SLC24A2: variants seen among roughly 807,000 people sequenced by gnomAD.
SLC24A2 encodes solute carrier family 24 member 2.
Under a neutral mutation model 62.0 loss-of-function variants are expected in SLC24A2, and 36 were observed. The ratio of observed to expected loss-of-function variants is 0.58; its 90% CI spans 0.44 to 0.77. The LOEUF is 0.77. SLC24A2 is among the 30% of genes least tolerant of loss of function. The probability of loss-of-function intolerance (pLI) is 0.00; values close to 1 mark genes in which losing one functional copy is unlikely to be tolerated. For missense variants in SLC24A2, 846 were observed against 817.9 expected (o/e 1.03, Z -0.42); for synonymous variants, 358 against 294.0 (o/e 1.22, Z -2.23).
At chr9:20,268,856 G>A in the SLC24A2 span, among the ~76,000 whole-genome samples, 1 of 152,152 alleles carries the variant, frequency 6.6e-6, no homozygotes, top group Admixed American at 6.5e-5. Context: ...AATGGTATGT[G>A]TGTGGAGGAA....
the SLC24A2 span, among the ~76,000 whole-genome samples, chr9:20,040,207 TTTG>T: frequency 6.6e-6 from 1 of 152,180 alleles, no homozygotes; most frequent in African/African-American, 2.4e-5. Context: ...GGAACGATTT[TTTG>T]TTGTTGTTAG....
chr9:19,993,510 TAAACTAG>T, the SLC24A2 span, among the ~76,000 whole-genome samples: 4 of 152,186 alleles, frequency 2.6e-5, no homozygotes, highest in African/African-American at 9.6e-5. Flanking sequence ...GCTTACACCA[TAAACTAG>T]AAAGTTATTC....
chr9:19,969,026 C>T, the SLC24A2 span, among the ~76,000 whole-genome samples: 4 of 151,988 alleles, frequency 2.6e-5, no homozygotes, highest in African/African-American at 7.3e-5. Context: ...TTCTTCAATC[C>T]CATTTTCTTT....
chr9:19,621,943 C>T (rs188373403), intron 3 of SLC24A2, among the ~76,000 whole-genome samples: 6 of 152,216 alleles, frequency 3.9e-5, no homozygotes, highest in Admixed American at 3.9e-4. Context: ...CACACTACCC[C>T]CAAATATTAG....
chr9:20,038,500 C>A, the SLC24A2 span, among the ~76,000 whole-genome samples: 3 of 152,082 alleles, frequency 2.0e-5, no homozygotes, highest in South Asian at 6.2e-4. Flanking sequence ...CTGCAGGTGA[C>A]CCTACGAATA....
intron 2 of SLC24A2, among the ~76,000 whole-genome samples, chr9:19,714,569 C>A (rs1352252373): frequency 6.6e-6 from 1 of 152,164 alleles, no homozygotes; most frequent in Non-Finnish European, 1.5e-5. Context: ...CATCACTTAC[C>A]TTTTCCCTTC....
chr9:20,021,907 C>T, the SLC24A2 span, among the ~76,000 whole-genome samples: 6 of 152,146 alleles, frequency 3.9e-5, no homozygotes, highest in Non-Finnish European at 5.9e-5. Flanking sequence ...GCTGACTCTG[C>T]CTCTGTTGGT....
At chr9:19,806,015 T>C in the SLC24A2 span, among the ~76,000 whole-genome samples, 1 of 152,136 alleles carries the variant, frequency 6.6e-6, no homozygotes, top group Non-Finnish European at 1.5e-5. Flanking sequence ...TTGTATTACC[T>C]CATTTTACTT....
At chr9:20,161,668 C>A in the SLC24A2 span, among the ~76,000 whole-genome samples, 3 of 150,788 alleles carry the variant, frequency 2.0e-5, no homozygotes, top group Non-Finnish European at 3.0e-5. Context: ...ACACCCATTC[C>A]TAAAAAAATC....
the SLC24A2 span, among the ~76,000 whole-genome samples, chr9:20,034,299 T>C: frequency 6.6e-6 from 1 of 152,168 alleles, no homozygotes; most frequent in Admixed American, 6.5e-5. Flanking sequence ...ATGCAAATTG[T>C]CTTTGTAGAA....
At chr9:19,825,036 G>A in the SLC24A2 span, among the ~76,000 whole-genome samples, 1 of 152,118 alleles carries the variant, frequency 6.6e-6, no homozygotes, top group African/African-American at 2.4e-5. Context: ...GGGACAAAGG[G>A]AAGTGAAGCA....
At chr9:20,195,230 A>G in the SLC24A2 span, among the ~76,000 whole-genome samples, 1 of 152,164 alleles carries the variant, frequency 6.6e-6, no homozygotes, top group South Asian at 2.1e-4. Flanking sequence ...CAATGCTTCA[A>G]TGTATATGAC....
chr9:20,143,282 A>G, the SLC24A2 span, among the ~76,000 whole-genome samples: 1 of 152,210 alleles, frequency 6.6e-6, no homozygotes, highest in Non-Finnish European at 1.5e-5. Flanking sequence ...TATAGCTACC[A>G]GCTGCCAACT....
At chr9:19,916,453 C>G in the SLC24A2 span, among the ~76,000 whole-genome samples, 1 of 151,990 alleles carries the variant, frequency 6.6e-6, no homozygotes, top group South Asian at 2.1e-4. Context: ...AAAAATTTAC[C>G]TAAGAATTTA....
chr9:19,722,290 C>G (rs1821049072), intron 2 of SLC24A2, among the ~76,000 whole-genome samples: 1 of 152,058 alleles, frequency 6.6e-6, no homozygotes, highest in Admixed American at 6.6e-5. Flanking sequence ...ATGGGATTAT[C>G]AATTCTCTTG....
Position 19,508,726 on chromosome 9 carries a change from T to G in SLC24A2, c.*7427A>C, listed in dbSNP as rs1479701106. ...GGAGGATCGCTTGAGTCCAGGTGTT[T>G]GAGGCTACACTGAGCTATGATTGCA... is the stretch of plus-strand genomic sequence containing the variant. On this transcript the variant is annotated 3_prime_UTR_variant, in exon 11 of 11. Coordinates refer to ENST00000341998, the MANE Select transcript of SLC24A2 (RefSeq NM_020344.4). The G allele has an allele frequency of 6.6e-6, 1 of 151,968 alleles. No individual in the cohort carries two copies. The highest frequency in any genetic ancestry group is 1.5e-5 in the Non-Finnish European group (1 of 68,006). 9.4% of individuals were successfully genotyped at this position (151,968 alleles called of 1,614,324 possible).
At chr9:19,828,676 T>G in the SLC24A2 span, among the ~76,000 whole-genome samples, 1 of 151,994 alleles carries the variant, frequency 6.6e-6, no homozygotes, top group African/African-American at 2.4e-5. Flanking sequence ...CTGGATAAAA[T>G]CTGGTGGCAG....
the SLC24A2 span, among the ~76,000 whole-genome samples, chr9:20,052,883 ACTATGTGCGCACTGGC>A: frequency 6.6e-6 from 1 of 152,338 alleles, no homozygotes; most frequent in Middle Eastern, 3.4e-3. Flanking sequence ...TAAAATAATT[ACTATGTGCGCACTGGC>A]ATATATGACA....
At chr9:20,260,464 G>T in the SLC24A2 span, among the ~76,000 whole-genome samples, 1 of 152,194 alleles carries the variant, frequency 6.6e-6, no homozygotes, top group Admixed American at 6.5e-5. Context: ...AGAACCTTTT[G>T]TAACACTAGG....
Sources: allele counts gnomAD v4.1 joint callset (sites outside exome capture counted in the v4.1 genomes callset), GRCh38; gene constraint gnomAD v4.1.1; transcripts MANE v1.5; gene names NCBI Gene and HGNC (gene_info 2026-07-23, HGNC 2026-07-21).